C4orf33: variants seen among roughly 807,000 people sequenced by gnomAD.
C4orf33 encodes the protein chromosome 4 open reading frame 33, also known as UPF0462 protein C4orf33.
C4orf33 carries 20 observed loss-of-function variants against 24.3 expected under a neutral mutation model. The ratio of observed to expected loss-of-function variants is 0.82; its 90% CI spans 0.58 to 1.19. The LOEUF (loss-of-function observed/expected upper bound fraction) is 1.19, where lower values mean the gene tolerates loss of function less well. Among genes scored for constraint, C4orf33 ranks in the 50% most tolerant of loss-of-function variants. The probability of loss-of-function intolerance (pLI) is 0.00; values close to 1 mark genes in which losing one functional copy is unlikely to be tolerated. For synonymous variants in C4orf33, 67 were observed against 76.4 expected, an observed-to-expected ratio of 0.88 and a Z score of 0.64; for missense variants, 207 against 225.9, an observed-to-expected ratio of 0.92 and a Z score of 0.54.
In C4orf33 at chr4:129,115,755, G is replaced by A. The variant is rs1753762159; in HGVS notation, c.*3964G>A. The A allele has an allele frequency of 6.8e-6, 1 of 146,880 alleles. No homozygotes were observed. The highest frequency in any genetic ancestry group is 2.0e-4 in the East Asian group (1 of 5,004). 9.1% of individuals were successfully genotyped at this position (146,880 alleles called of 1,614,324 possible). A position where few individuals can be genotyped will look rare whatever the true frequency, so the allele number is the denominator to read the frequency against. ...GGGTAGAAGGGGTATCCAGCCTAAGGCACCTAAGTCCAAGAGGAATATGTG... is the reference window on the plus strand; with the variant it reads ...GGGTAGAAGGGGTATCCAGCCTAAGACACCTAAGTCCAAGAGGAATATGTG... On this transcript the variant is annotated 3_prime_UTR_variant, in exon 6 of 6. Transcript: ENST00000425929.
rs1307658984 is a variant in C4orf33, at chr4:129,115,846, T to A, written c.*4055T>A. On this transcript the variant is annotated 3_prime_UTR_variant, in exon 6 of 6. Transcript: ENST00000425929. ...TATATATATAAAATATATATGTTTA[T>A]ATATAACATATATATATAGAGAGAG... 1 of 139,514 alleles carries A rather than the reference T, an allele frequency of 7.2e-6. No individual in the cohort carries two copies. The highest frequency in any genetic ancestry group is 2.0e-4 in the East Asian group (1 of 4,944). 8.6% of individuals were successfully genotyped at this position (139,514 alleles called of 1,614,324 possible).
intron 3 of C4orf33, among the ~76,000 whole-genome samples, chr4:129,108,356 A>G (rs180936278): frequency 7.7e-4 from 117 of 152,272 alleles, no homozygotes; most frequent in African/African-American, 2.6e-3. Context: ...GCTAGTCCCA[A>G]TTGTACACTG....
In C4orf33 at chr4:129,113,999, C is replaced by T; in HGVS notation, c.*2208C>T. The T allele has an allele frequency of 6.6e-6, 1 of 152,138 alleles. No individual in the cohort carries two copies. Among genetic ancestry groups the T allele is most frequent in the East Asian group, 1.9e-4 (1 of 5,196 alleles). The allele number at this position is 152,138 out of a possible 1,614,324, so 9.4% of individuals were successfully genotyped here. On this transcript the variant is annotated 3_prime_UTR_variant, in exon 6 of 6. Transcript: ENST00000425929. ...AATTTCCATAATATTTTACACATTG[C>T]TTTATTACAGCATTTATTTCACTGG...
chr4:129,109,629 C>A lies in C4orf33; in HGVS notation c.451C>A (p.Pro151Thr). The change falls in exon 5 of 6, where the codon CCT (proline) becomes ACT (threonine). Residue 151 changes from proline (P) to threonine (T), a missense_variant. By Grantham distance (38) the Pro-to-Thr change is conservative. Coordinates refer to ENST00000425929, the MANE Select transcript of C4orf33 (RefSeq NM_001099783.2). ...KDKRSYEALY[P>T]VPQHELQQGQ... ...TAAACGAAGTTATGAAGCTCTTTAC[C>A]CTGTACCTCAGCATGAACTGCAGCA... is the stretch of plus-strand genomic sequence containing the variant. 6.2e-7 allele frequency: 1 copy of A among 1,613,916 alleles called. No homozygotes were observed. Among genetic ancestry groups the A allele is most frequent in the Non-Finnish European group, 8.5e-7 (1 of 1,179,974 alleles).
chr4:129,104,410 C>T (rs535472361), intron 2 of C4orf33, among the ~76,000 whole-genome samples: 3 of 152,142 alleles, frequency 2.0e-5, no homozygotes, highest in Non-Finnish European at 2.9e-5. Flanking sequence ...TAAACTCATC[C>T]TTCAGCTACC....
rs1753630476 is a variant in C4orf33 at position 129,109,686 on chromosome 4, A to C, written c.494+14A>C. 1 of 1,604,670 alleles carries C rather than the reference A, an allele frequency of 6.2e-7. No individual in the cohort carries two copies. The highest frequency in any genetic ancestry group is 1.3e-5 in the African/African-American group (1 of 74,718). On this transcript the variant is annotated intron_variant, in intron 5 of 5. Transcript: ENST00000425929. ...AAAACCTGATTTGTAAGTAGAAAATAAATGAAGATATGTTCCAAATACACG... is the reference window on the plus strand; with the variant it reads ...AAAACCTGATTTGTAAGTAGAAAATCAATGAAGATATGTTCCAAATACACG...
At position 129,102,584 on chromosome 4, in the gene C4orf33, T is replaced by G. The variant is rs762379339; in HGVS notation, c.-9-18T>G. 1.5e-5 allele frequency: 23 copies of G among 1,540,958 alleles called. No homozygotes were observed. Among genetic ancestry groups the G allele is most frequent in the Non-Finnish European group, 2.0e-5 (23 of 1,131,740 alleles). The stretch of plus-strand genomic sequence containing the variant: ...TTGTATATTGTTAAAGAGTTTGTTT[T>G]AACATATTTTCTTTTAGAGACTTCA... On this transcript the variant is annotated intron_variant, in intron 1 of 5. Transcript: ENST00000425929.
intron 2 of C4orf33, among the ~76,000 whole-genome samples, chr4:129,105,221 G>A (rs1163984529): frequency 2.0e-5 from 3 of 152,162 alleles, no homozygotes; most frequent in Non-Finnish European, 4.4e-5. Context: ...CTATGTTGCA[G>A]TTCAAATCTG....
chr4:129,107,257 C>T (rs189236), intron 3 of C4orf33, among the ~76,000 whole-genome samples: 83,927 of 151,752 alleles, frequency 0.55, 25,216 homozygotes, highest in South Asian at 0.67. Flanking sequence ...TAACCTTGGA[C>T]TCTCTTTGTT....
intron 1 of C4orf33, among the ~76,000 whole-genome samples, chr4:129,099,667 G>A (rs1046618980): frequency 3.9e-5 from 6 of 152,148 alleles, no homozygotes; most frequent in Admixed American, 6.5e-5. Flanking sequence ...GGAGGGGAGC[G>A]CTAGCCCAAG....
rs1240984131 is a variant in C4orf33 at position 129,109,689 on chromosome 4, T to G, written c.494+17T>G. The G allele has an allele frequency of 6.2e-7, 1 of 1,601,482 alleles. No homozygotes were observed. The highest frequency in any genetic ancestry group is 2.2e-5 in the East Asian group (1 of 44,776). On this transcript the variant is annotated intron_variant, in intron 5 of 5. Coordinates refer to ENST00000425929, the MANE Select transcript of C4orf33 (RefSeq NM_001099783.2). ...ACCTGATTTGTAAGTAGAAAATAAA[T>G]GAAGATATGTTCCAAATACACGAGT...
chr4:129,111,664 C>T (rs1234255687), intron 5 of C4orf33, 22 bp from the exon 6 acceptor site: 1 of 1,427,064 alleles, frequency 7.0e-7, no homozygotes, highest in African/African-American at 1.4e-5. Flanking sequence ...TCAATTCCCA[C>T]CTTCTTTTTC....
chr4:129,096,861 G>A (rs1287317950), intron 1 of C4orf33, among the ~76,000 whole-genome samples: 2 of 152,154 alleles, frequency 1.3e-5, no homozygotes, highest in Non-Finnish European at 2.9e-5. Flanking sequence ...AAGGGGAGAA[G>A]AGGCAGCCAC....
In C4orf33 at chr4:129,115,636, T is replaced by C. The variant is rs1292021239; in HGVS notation, c.*3845T>C. The C allele has an allele frequency of 6.6e-6, 1 of 151,998 alleles. No individual in the cohort carries two copies. Among genetic ancestry groups the C allele is most frequent in the Admixed American group, 6.6e-5 (1 of 15,242 alleles). 9.4% of individuals were successfully genotyped at this position (151,998 alleles called of 1,614,324 possible). On this transcript the variant is annotated 3_prime_UTR_variant, in exon 6 of 6. Coordinates refer to ENST00000425929, the MANE Select transcript of C4orf33 (RefSeq NM_001099783.2). ...CTTAAAAATGCAATCTTAGATTGGC[T>C]TGCTTTATTTAATTTTTCCAAAGTT...
At chr4:129,103,052 C>T (rs1044858049) in intron 2 of C4orf33, 3 of 246,980 alleles carry the variant, frequency 1.2e-5, no homozygotes, top group Non-Finnish European at 2.2e-5. Flanking sequence ...CAGAGCTTCA[C>T]TCTGTTGCCC....
chr4:129,107,989 G>A (rs905371943), intron 3 of C4orf33, among the ~76,000 whole-genome samples: 5 of 151,962 alleles, frequency 3.3e-5, no homozygotes, highest in African/African-American at 1.2e-4. Context: ...GAGTAGTTTG[G>A]TTTCTTATGT....
intron 3 of C4orf33, 59 bp downstream of exon 3, chr4:129,106,706 A>G: frequency 1.1e-6 from 1 of 901,312 alleles, no homozygotes; most frequent in East Asian, 2.7e-5. Context: ...GTTATTTTCT[A>G]GTTATAAATG....
chr4:129,106,678 A>G (rs1238416381), intron 3 of C4orf33, 31 bp downstream of exon 3: 1 of 1,141,102 alleles, frequency 8.8e-7, no homozygotes. Flanking sequence ...CTTACTTATT[A>G]CTACATAATT....
At chr4:129,094,308 TA>T (rs1554008565), upstream of C4orf33, among the ~76,000 whole-genome samples, 9 of 151,854 alleles carry the variant, frequency 5.9e-5, no homozygotes, top group African/African-American at 1.9e-4. Context: ...CGTATTTTTT[TA>T]AAAAAAATCA....
Sources: gnomAD v4.1 joint callset for allele counts (sites outside exome capture counted in the v4.1 genomes callset) on GRCh38, gnomAD v4.1.1 for gene constraint, MANE v1.5 for transcripts, NCBI Gene and HGNC (gene_info 2026-07-23, HGNC 2026-07-21) for gene names.